Variants in STARD13 observed in about 807,000 individuals in gnomAD.
STARD13 encodes the protein StAR related lipid transfer domain containing 13.
A neutral mutation model predicts 106.4 loss-of-function variants in STARD13; 62 were observed. That is an observed-to-expected ratio of 0.58 (90% CI 0.48 to 0.72). STARD13 has a LOEUF of 0.72. Ranked by LOEUF, STARD13 falls within the 30% of genes least tolerant of loss-of-function variation. The probability of loss-of-function intolerance (pLI) is 0.00; values close to 1 mark genes in which losing one functional copy is unlikely to be tolerated. For synonymous variants in STARD13, 565 were observed against 553.0 expected (o/e 1.02, Z -0.31); for missense variants, 1,387 against 1,424.0 (o/e 0.97, Z 0.42).
At chr13:33,562,001 A>G in the STARD13 span, among the ~76,000 whole-genome samples, 4,134 of 146,854 alleles carry the variant, frequency 0.028, 441 homozygotes, top group Non-Finnish European at 0.035. Context: ...CAAAATATTC[A>G]TATCTGAGAT....
the STARD13 span, among the ~76,000 whole-genome samples, chr13:33,457,327 G>A: frequency 1.3e-5 from 2 of 152,298 alleles, no homozygotes; most frequent in South Asian, 4.1e-4. Context: ...TACAAGCAAT[G>A]CCAAGTTTCA....
intron 3 of STARD13, among the ~76,000 whole-genome samples, chr13:33,157,857 T>C (rs1460572675): frequency 6.6e-6 from 1 of 152,224 alleles, no homozygotes; most frequent in Non-Finnish European, 1.5e-5. Context: ...TAAACTATTT[T>C]AACACCTTGG....
the STARD13 span, among the ~76,000 whole-genome samples, chr13:33,606,678 T>C: frequency 6.6e-6 from 1 of 152,252 alleles, no homozygotes; most frequent in Non-Finnish European, 1.5e-5. Context: ...AGTTTTCTTT[T>C]GCTGCTGTAA....
the STARD13 span, among the ~76,000 whole-genome samples, chr13:33,375,444 A>G: frequency 2.6e-5 from 4 of 152,154 alleles, no homozygotes; most frequent in Admixed American, 6.5e-5. Flanking sequence ...GTGCCCCTTT[A>G]TTAGTCCATT....
chr13:33,146,746 T>C (rs1262432134), intron 3 of STARD13, among the ~76,000 whole-genome samples: 2 of 152,216 alleles, frequency 1.3e-5, no homozygotes, highest in Non-Finnish European at 1.5e-5. Context: ...TAAATTGATA[T>C]GGGCTTCCAA....
At chr13:33,370,623 T>TTTC in the STARD13 span, among the ~76,000 whole-genome samples, 1 of 145,380 alleles carries the variant, frequency 6.9e-6, no homozygotes, top group African/African-American at 2.5e-5. Flanking sequence ...TTCTTTCTTT[T>TTTC]TTTTTTTTTT....
In STARD13 at chr13:33,126,135, C is replaced by T. The variant is rs769808837; in HGVS notation, c.2028G>A (p.Leu676=). Residue 676 remains leucine, a synonymous_variant, in exon 7 of 14, where the codon CTG becomes CTA. Transcript: ENST00000336934. The stretch of plus-strand genomic sequence containing the variant: ...TCAGTGCTTGCTGAATACTTTGAGG[C>T]AGGGGCTGTCCCGTTCTTTGGACGT... ...IVHVQRTGQP[L]PQSIQQALRY... The T allele has an allele frequency of 3.1e-6, 5 of 1,614,164 alleles. No homozygotes were observed. The Admixed American group carries it at 8.3e-5, about 27-fold the overall frequency.
the STARD13 span, among the ~76,000 whole-genome samples, chr13:33,455,133 G>A: frequency 1.3e-5 from 2 of 152,180 alleles, no homozygotes; most frequent in Non-Finnish European, 2.9e-5. Context: ...ACCAGAATAT[G>A]GCCATAAGCC....
intron 1 of STARD13, among the ~76,000 whole-genome samples, chr13:33,177,090 G>T (rs562382992): frequency 6.6e-6 from 1 of 152,144 alleles, no homozygotes; most frequent in Non-Finnish European, 1.5e-5. Flanking sequence ...GGTCCAGGTG[G>T]CTACCTTGTC....
chr13:33,271,343 C>G (rs9536949), intron 1 of STARD13: 47,291 of 152,138 alleles, frequency 0.31, 7,591 homozygotes, highest in African/African-American at 0.34. Context: ...CAATTCCCAC[C>G]TCACTCCTTG....
At chr13:33,521,172 T>C in the STARD13 span, among the ~76,000 whole-genome samples, 2 of 152,134 alleles carry the variant, frequency 1.3e-5, no homozygotes, top group East Asian at 1.9e-4. Context: ...GATTCACAAA[T>C]GAGCACATGT....
At chr13:33,404,901 C>T in the STARD13 span, among the ~76,000 whole-genome samples, 7 of 151,842 alleles carry the variant, frequency 4.6e-5, no homozygotes, top group South Asian at 2.1e-4. Flanking sequence ...CTCAGCCTCT[C>T]GAGGAGCTGG....
chr13:33,318,789 A>T (rs1319786141), intron 1 of STARD13, among the ~76,000 whole-genome samples: 3 of 152,196 alleles, frequency 2.0e-5, no homozygotes, highest in Non-Finnish European at 1.5e-5. Context: ...AAGATATACA[A>T]ATGCACATGA....
chr13:33,583,741 A>G, the STARD13 span, among the ~76,000 whole-genome samples: 1 of 152,182 alleles, frequency 6.6e-6, no homozygotes, highest in South Asian at 2.1e-4. Flanking sequence ...TCCAAACCAC[A>G]TGCCACTGTA....
chr13:33,125,809 G>A (rs999158544), intron 7 of STARD13, among the ~76,000 whole-genome samples: 3 of 152,144 alleles, frequency 2.0e-5, no homozygotes, highest in Non-Finnish European at 2.9e-5. Context: ...AGTTTTTAGG[G>A]ATTGCAAATT....
At chr13:33,514,702 A>G in the STARD13 span, among the ~76,000 whole-genome samples, 3 of 152,280 alleles carry the variant, frequency 2.0e-5, no homozygotes, top group South Asian at 6.2e-4. Flanking sequence ...ACACAGGGGC[A>G]GCATCAGGAT....
the STARD13 span, among the ~76,000 whole-genome samples, chr13:33,664,181 C>T: frequency 3.3e-5 from 5 of 152,232 alleles, no homozygotes; most frequent in Non-Finnish European, 7.3e-5. Flanking sequence ...ACTCATTTCT[C>T]AACTTCACAT....
At chr13:33,307,374 G>A (rs1445156526) in intron 1 of STARD13, among the ~76,000 whole-genome samples, 1 of 152,128 alleles carries the variant, frequency 6.6e-6, no homozygotes, top group Non-Finnish European at 1.5e-5. Context: ...GTTCACTGCA[G>A]CACTGTTCAC....
chr13:33,331,290 ACCT>A (rs549649804), intron 1 of STARD13, among the ~76,000 whole-genome samples: 15 of 151,550 alleles, frequency 9.9e-5, no homozygotes, highest in African/African-American at 3.4e-4. Flanking sequence ...CAACTCAGAG[ACCT>A]CCTCTGTGAC....
Sources: gnomAD v4.1 joint callset for allele counts (sites outside exome capture counted in the v4.1 genomes callset) on GRCh38, gnomAD v4.1.1 for gene constraint, MANE v1.5 for transcripts, NCBI Gene and HGNC (gene_info 2026-07-23, HGNC 2026-07-21) for gene names.